The following SYTL5 variants were observed in gnomAD, a reference collection of about 807,000 sequenced individuals.
SYTL5 encodes the protein synaptotagmin like 5.
Under a neutral mutation model 55.9 loss-of-function variants are expected in SYTL5, and 34 were observed. The ratio of observed to expected loss-of-function variants is 0.61; its 90% CI spans 0.46 to 0.81. The LOEUF is 0.81. SYTL5 is among the 30% of genes least tolerant of loss of function. The probability of loss-of-function intolerance (pLI) is 0.00; values close to 1 mark genes in which losing one functional copy is unlikely to be tolerated. For missense variants in SYTL5, 637 were observed against 546.7 expected, an observed-to-expected ratio of 1.17 and a Z score of -1.65; for synonymous variants, 221 against 188.7, an observed-to-expected ratio of 1.17 and a Z score of -1.40.
At chrX:38,045,701 C>T (rs112568646) in intron 2 of SYTL5, among the ~76,000 whole-genome samples, 1 of 112,407 alleles carries the variant, frequency 8.9e-6, no homozygotes. Flanking sequence ...GTTACTTTCT[C>T]TTAAGCAGCT....
chrX:37,986,610 A>G, the SYTL5 span, among the ~76,000 whole-genome samples: 2 of 111,612 alleles, frequency 1.8e-5, no homozygotes, highest in Non-Finnish European at 3.8e-5. Flanking sequence ...TGGGCATAAG[A>G]CAATATGAGG....
At chrX:38,103,360 A>T (rs1223116802) in intron 10 of SYTL5, among the ~76,000 whole-genome samples, 2 of 112,076 alleles carry the variant, frequency 1.8e-5, no homozygotes, top group Non-Finnish European at 3.8e-5. Context: ...AACTATTTTA[A>T]ATCACAGCCT....
chrX:37,968,597 T>C, the SYTL5 span, among the ~76,000 whole-genome samples: 47 of 111,896 alleles, frequency 4.2e-4, no homozygotes, highest in African/African-American at 1.5e-3. Context: ...ATCACAGTTA[T>C]CATAAATCTA....
chrX:37,942,070 G>T, the SYTL5 span, among the ~76,000 whole-genome samples: 39 of 111,577 alleles, frequency 3.5e-4, no homozygotes, highest in African/African-American at 1.2e-3. Flanking sequence ...TATTATTTGT[G>T]AATCTAATTG....
the SYTL5 span, among the ~76,000 whole-genome samples, chrX:37,995,242 G>T: frequency 9.0e-6 from 1 of 111,473 alleles, no homozygotes; most frequent in Non-Finnish European, 1.9e-5. Context: ...CTCTGACTGA[G>T]GTGCAGGAGG....
chrX:37,894,041 A>G, the SYTL5 span, among the ~76,000 whole-genome samples: 3,614 of 109,950 alleles, frequency 0.033, 58 homozygotes, highest in South Asian at 0.072. Context: ...ATGATATTAC[A>G]CTATATGTCC....
chrX:38,041,894 A>G (rs761682779), intron 2 of SYTL5, among the ~76,000 whole-genome samples: 19 of 111,658 alleles, frequency 1.7e-4, no homozygotes, highest in African/African-American at 6.2e-4. Context: ...AATTTCATAC[A>G]TTTATATAAT....
the SYTL5 span, among the ~76,000 whole-genome samples, chrX:37,956,462 T>A: frequency 2.7e-5 from 3 of 112,252 alleles, no homozygotes; most frequent in East Asian, 5.6e-4. Context: ...CCCCTGCCAG[T>A]CCCTGGCAAC....
the SYTL5 span, among the ~76,000 whole-genome samples, chrX:37,905,447 C>A: frequency 1.7e-4 from 2 of 11,611 alleles, no homozygotes; most frequent in Non-Finnish European, 3.1e-4. Context: ...GTGGGGGGGG[C>A]GTGGGGGGTG....
At chrX:37,995,693 A>G in the SYTL5 span, among the ~76,000 whole-genome samples, 10 of 112,276 alleles carry the variant, frequency 8.9e-5, no homozygotes, top group African/African-American at 2.9e-4. Flanking sequence ...TTTTCAGGGT[A>G]TGTGTTCCTG....
intron 3 of SYTL5, among the ~76,000 whole-genome samples, chrX:38,070,649 T>G (rs1936235031): frequency 9.0e-6 from 1 of 111,244 alleles, no homozygotes; most frequent in Non-Finnish European, 1.9e-5. Context: ...ATCCTACCTT[T>G]TAACTCCAGT....
At chrX:38,009,980 C>T (rs2147297095) in intron 1 of SYTL5, among the ~76,000 whole-genome samples, 2 of 111,958 alleles carry the variant, frequency 1.8e-5, no homozygotes, top group Middle Eastern at 4.6e-3. Flanking sequence ...GAGACCAAAA[C>T]CCCAGGTCTT....
At chrX:38,092,342 G>C (rs997066299) in intron 7 of SYTL5, among the ~76,000 whole-genome samples, 3 of 111,634 alleles carry the variant, frequency 2.7e-5, no homozygotes, top group African/African-American at 9.8e-5. Context: ...AAAGAGAGAA[G>C]ACAGTAGGAT....
intron 2 of SYTL5, among the ~76,000 whole-genome samples, chrX:38,038,280 G>A (rs1036060616): frequency 3.6e-5 from 4 of 111,639 alleles, no homozygotes; most frequent in African/African-American, 1.3e-4. Flanking sequence ...TATAGCCCCC[G>A]TTCCCACACT....
At chrX:37,930,850 A>T in the SYTL5 span, among the ~76,000 whole-genome samples, 1 of 112,163 alleles carries the variant, frequency 8.9e-6, no homozygotes, top group Non-Finnish European at 1.9e-5. Flanking sequence ...TGTGTCCCTC[A>T]TCCTCCAGCA....
the SYTL5 span, among the ~76,000 whole-genome samples, chrX:37,904,272 G>T: frequency 6.7e-5 from 7 of 104,979 alleles, no homozygotes; most frequent in Admixed American, 2.1e-4. Context: ...GTCCGGGGGG[G>T]GGGGTGATAT....
At chrX:38,080,215 G>A (rs1429554528) in intron 6 of SYTL5, among the ~76,000 whole-genome samples, 1 of 111,260 alleles carries the variant, frequency 9.0e-6, no homozygotes. Flanking sequence ...TGAGGGAGAT[G>A]CCAACAATGT....
At chrX:37,991,081 C>T in the SYTL5 span, 1 of 1,211,572 alleles carries the variant, frequency 8.3e-7, no homozygotes. Flanking sequence ...ATGCGCAACA[C>T]TTCACAAGAT....
the SYTL5 span, among the ~76,000 whole-genome samples, chrX:37,928,185 G>C: frequency 8.0e-5 from 9 of 111,973 alleles, no homozygotes; most frequent in East Asian, 2.5e-3. Flanking sequence ...CCATGCATGG[G>C]GGCTGTATCA....
Sources: gnomAD v4.1 joint callset for allele counts (sites outside exome capture counted in the v4.1 genomes callset) on GRCh38, gnomAD v4.1.1 for gene constraint, MANE v1.5 for transcripts, NCBI Gene and HGNC (gene_info 2026-07-23, HGNC 2026-07-21) for gene names.